CNBD1: variants seen among roughly 807,000 people sequenced by gnomAD.
CNBD1 encodes cyclic nucleotide-binding domain-containing protein 1.
Under a neutral mutation model 54.4 loss-of-function variants are expected in CNBD1, and 71 were observed. That is an observed-to-expected ratio of 1.30 (90% confidence interval 1.08 to 1.59). The LOEUF is 1.59. Among genes scored for constraint, CNBD1 ranks in the 40% most tolerant of loss-of-function variants. The pLI is 0.00. For synonymous variants in CNBD1, 182 were observed against 170.7 expected (o/e 1.07, Z -0.51); for missense variants, 659 against 518.0 (o/e 1.27, Z -2.64).
intron 4 of CNBD1, among the ~76,000 whole-genome samples, chr8:87,186,436 C>G (rs1167773935): frequency 6.6e-6 from 1 of 152,098 alleles, no homozygotes; most frequent in African/African-American, 2.4e-5. Context: ...AACCATCATT[C>G]CAGCTCCATT....
chr8:87,422,149 G>A (rs988691393), intron 2 of CNBD1, among the ~76,000 whole-genome samples: 22 of 146,592 alleles, frequency 1.5e-4, no homozygotes, highest in East Asian at 2.0e-4. Context: ...AAATTTGTTT[G>A]AGTTCATTGT....
chr8:87,099,570 ATT>A (rs1458034956), intron 4 of CNBD1, among the ~76,000 whole-genome samples: 1 of 152,120 alleles, frequency 6.6e-6, no homozygotes, highest in African/African-American at 2.4e-5. Context: ...TCTTGGATAT[ATT>A]TTTAGGTTAG....
At chr8:87,277,937 A>C (rs1808517884) in intron 6 of CNBD1, among the ~76,000 whole-genome samples, 1 of 151,698 alleles carries the variant, frequency 6.6e-6, no homozygotes, top group Admixed American at 6.6e-5. Flanking sequence ...ATTAGTTCAC[A>C]ATAATAATAA....
chr8:87,362,283 A>G (rs761062327), intron 10 of CNBD1, among the ~76,000 whole-genome samples: 100 of 152,204 alleles, frequency 6.6e-4, no homozygotes, highest in Admixed American at 1.8e-3. Context: ...TTAAAATCAT[A>G]TTGCCAAGAA....
rs954405904 is a variant in CNBD1 at position 87,364,539 on chromosome 8, A to G, written c.1303+10753A>G. ...AGAAGTACATGTGCAAGTTTGTTAT[A>G]TAGGTAAACTCATGACTCAGTGGTT... is the stretch of plus-strand genomic sequence containing the variant. On this transcript the variant is annotated intron_variant, in intron 10 of 10. Coordinates refer to ENST00000518476, the MANE Select transcript of CNBD1 (RefSeq NM_173538.3). 9.9e-5 allele frequency among the ~76,000 whole-genome samples: 15 copies of G among 151,988 alleles called. No homozygotes were observed. In the South Asian group the frequency reaches 2.5e-3, roughly 25 times the overall value.
intron 4 of CNBD1, among the ~76,000 whole-genome samples, chr8:87,058,784 C>T (rs1379632532): frequency 2.6e-5 from 4 of 152,156 alleles, no homozygotes; most frequent in African/African-American, 9.7e-5. Flanking sequence ...GAAGGACTTC[C>T]CTGTGATGGG....
chr8:87,301,184 G>A (rs1808980968), intron 8 of CNBD1, among the ~76,000 whole-genome samples: 1 of 152,008 alleles, frequency 6.6e-6, no homozygotes, highest in Admixed American at 6.6e-5. Flanking sequence ...CTAATAACAA[G>A]CAGCAAGATT....
chr8:87,335,370 T>G (rs1267866459), intron 8 of CNBD1, among the ~76,000 whole-genome samples: 1 of 152,170 alleles, frequency 6.6e-6, no homozygotes, highest in Non-Finnish European at 1.5e-5. Context: ...AGAACTTGTT[T>G]TATGAATCTG....
At chr8:87,155,241 A>G (rs1812689415) in intron 4 of CNBD1, among the ~76,000 whole-genome samples, 2 of 152,160 alleles carry the variant, frequency 1.3e-5, no homozygotes, top group Non-Finnish European at 2.9e-5. Flanking sequence ...CAAGGAGGTG[A>G]TATGTGTTGA....
chr8:87,268,197 A>G (rs1341053193), intron 6 of CNBD1, among the ~76,000 whole-genome samples: 1 of 152,130 alleles, frequency 6.6e-6, no homozygotes, highest in Non-Finnish European at 1.5e-5. Context: ...GAGGAAGAAC[A>G]TAAAGTATTT....
At chr8:87,299,830 C>T (rs1160568496) in intron 8 of CNBD1, among the ~76,000 whole-genome samples, 1 of 152,106 alleles carries the variant, frequency 6.6e-6, no homozygotes, top group East Asian at 1.9e-4. Flanking sequence ...CACACCACAC[C>T]CTGCAGCCAG....
intron 1 of CNBD1, among the ~76,000 whole-genome samples, chr8:86,870,483 C>T (rs2131764539): frequency 6.6e-6 from 1 of 152,044 alleles, no homozygotes; most frequent in East Asian, 1.9e-4. Context: ...AGATGTGAGC[C>T]ACCGCGCCTG....
chr8:87,410,181 C>T (rs552100879), intron 2 of CNBD1, among the ~76,000 whole-genome samples: 1 of 152,240 alleles, frequency 6.6e-6, no homozygotes, highest in Admixed American at 6.5e-5. Context: ...ATTTACAATG[C>T]ACATAGTCAA....
At chr8:87,419,379 T>C (rs1440792637) in intron 2 of CNBD1, among the ~76,000 whole-genome samples, 1 of 151,900 alleles carries the variant, frequency 6.6e-6, no homozygotes, top group Non-Finnish European at 1.5e-5. Flanking sequence ...TAGATATGGT[T>C]CCACAGTTGT....
intron 4 of CNBD1, among the ~76,000 whole-genome samples, chr8:87,036,666 C>A (rs960904042): frequency 3.5e-5 from 5 of 144,882 alleles, no homozygotes; most frequent in Non-Finnish European, 6.0e-5. Context: ...CTTTCTCATA[C>A]AATTTTTGTT....
At chr8:87,215,457 G>A (rs1814188935) in intron 5 of CNBD1, among the ~76,000 whole-genome samples, 2 of 151,898 alleles carry the variant, frequency 1.3e-5, no homozygotes. Context: ...GCATGGTGGC[G>A]GGTGCCTGTA....
chr8:87,349,333 CA>C (rs1810235657), intron 8 of CNBD1, among the ~76,000 whole-genome samples: 1 of 151,990 alleles, frequency 6.6e-6, no homozygotes, highest in Non-Finnish European at 1.5e-5. Context: ...GTTTCTAGTC[CA>C]AAATAGTAAT....
chr8:87,055,343 C>G (rs575358691), intron 4 of CNBD1, among the ~76,000 whole-genome samples: 5 of 152,154 alleles, frequency 3.3e-5, no homozygotes, highest in Non-Finnish European at 5.9e-5. Context: ...CTGTACAACT[C>G]CCCCTATCTA....
intron 4 of CNBD1, among the ~76,000 whole-genome samples, chr8:87,020,934 C>T (rs1809475756): frequency 6.6e-6 from 1 of 152,176 alleles, no homozygotes; most frequent in African/African-American, 2.4e-5. Context: ...CTCCACAATC[C>T]TTTATCTTTA....
Sources: allele counts gnomAD v4.1 joint callset (sites outside exome capture counted in the v4.1 genomes callset), GRCh38; gene constraint gnomAD v4.1.1; transcripts MANE v1.5; gene names NCBI Gene and HGNC (gene_info 2026-07-23, HGNC 2026-07-21).